Variants in UBE2W observed in about 807,000 individuals in gnomAD.
UBE2W encodes ubiquitin-conjugating enzyme E2 W.
Under a neutral mutation model 27.2 loss-of-function variants are expected in UBE2W, and 18 were observed. That is an observed-to-expected ratio of 0.66 (90% CI 0.46 to 0.98). The LOEUF is 0.98. UBE2W is among the 50% of genes least tolerant of loss of function. The probability of loss-of-function intolerance (pLI) is 0.00; values close to 1 mark genes in which losing one functional copy is unlikely to be tolerated. For missense variants in UBE2W, 90 were observed against 180.2 expected (o/e 0.50, Z 2.87); for synonymous variants, 53 against 57.2 (o/e 0.93, Z 0.33).
At position 73,793,934 on chromosome 8, in the gene UBE2W, G is replaced by C; in HGVS notation, c.*168C>G. On this transcript the variant is annotated 3_prime_UTR_variant, in exon 6 of 6. Transcript: ENST00000602593. ...TGTCAGTTGCCTGGACTGAACCAGC[G>C]ATCAACATGCGCCCAGAATGCACAC... 2.8e-6 allele frequency: 4 copies of C among 1,444,138 alleles called. No homozygotes were observed. Among genetic ancestry groups the C allele is most frequent in the Non-Finnish European group, 3.6e-6 (4 of 1,096,418 alleles). 89.5% of individuals were successfully genotyped at this position (1,444,138 alleles called of 1,614,324 possible).
rs1198881784 is a variant in UBE2W, at chr8:73,788,747, A to C, written c.*5355T>G. On this transcript the variant is annotated 3_prime_UTR_variant, in exon 6 of 6. Transcript: ENST00000602593. ...TAGAATTGTTGTAGGACCAATGAGA[A>C]AACAACTTAGAATCGTTGTAGGACC... is the stretch of plus-strand genomic sequence containing the variant. 1.7e-5 allele frequency: 17 copies of C among 985,304 alleles called. No homozygotes were observed. The highest frequency in any genetic ancestry group is 2.0e-5 in the Non-Finnish European group (17 of 829,938). 61.0% of individuals were successfully genotyped at this position (985,304 alleles called of 1,614,324 possible).
At position 73,792,268 on chromosome 8, in the gene UBE2W, G is replaced by A. The variant is rs1168631378; in HGVS notation, c.*1834C>T. On this transcript the variant is annotated 3_prime_UTR_variant, in exon 6 of 6. Coordinates refer to ENST00000602593, the MANE Select transcript of UBE2W (RefSeq NM_018299.6). Reference sequence around the variant, plus strand: ...ATCTAGTCAAGATAGAACAAAAACGGTTATAATTTTTTAAAAGTGGTAATT... The same window carrying A: ...ATCTAGTCAAGATAGAACAAAAACGATTATAATTTTTTAAAAGTGGTAATT... 2.0e-6 allele frequency: 2 copies of A among 985,268 alleles called. No individual in the cohort carries two copies. Among genetic ancestry groups the A allele is most frequent in the African/African-American group, 3.5e-5 (2 of 57,154 alleles). The allele number at this position is 985,268 out of a possible 1,614,324, so 61.0% of individuals were successfully genotyped here. A position where few individuals can be genotyped will look rare whatever the true frequency, so the allele number is the denominator to read the frequency against.
chr8:73,838,782 A>AT (rs1810411366), intron 1 of UBE2W, among the ~76,000 whole-genome samples: 1 of 152,190 alleles, frequency 6.6e-6, no homozygotes, highest in Non-Finnish European at 1.5e-5. Context: ...CTCTCCAAGA[A>AT]TCACTGTAAA....
Position 73,786,228 on chromosome 8 carries a change from A to G in UBE2W, c.*7874T>C, listed in dbSNP as rs190931917. ...AAAAAGCCAAAACCAATGAAGAATG[A>G]TTAATGATTTATTTAAAAGTAGTTT... On this transcript the variant is annotated 3_prime_UTR_variant, in exon 6 of 6. Coordinates refer to ENST00000602593, the MANE Select transcript of UBE2W (RefSeq NM_018299.6). 9.1e-6 allele frequency: 9 copies of G among 985,434 alleles called. No homozygotes were observed. In the East Asian group the frequency reaches 6.8e-4, roughly 74 times the overall value. 61.0% of individuals were successfully genotyped at this position (985,434 alleles called of 1,614,324 possible).
chr8:73,839,219 C>T (rs28571776), intron 1 of UBE2W, among the ~76,000 whole-genome samples: 10 of 151,854 alleles, frequency 6.6e-5, no homozygotes, highest in African/African-American at 2.4e-4. Flanking sequence ...TACATCAGTA[C>T]TGAAAAAGCA....
At chr8:73,783,919 C>A (rs1465102630), downstream of UBE2W, among the ~76,000 whole-genome samples, 1 of 152,048 alleles carries the variant, frequency 6.6e-6, no homozygotes, top group African/African-American at 2.4e-5. Flanking sequence ...ATGCCACCAG[C>A]CTGGCTAATT....
downstream of UBE2W, among the ~76,000 whole-genome samples, chr8:73,785,348 T>G (rs1807918192): frequency 6.6e-6 from 1 of 152,188 alleles, no homozygotes; most frequent in Non-Finnish European, 1.5e-5. Context: ...TTCTCCATGT[T>G]GGCCAGGCTT....
intron 3 of UBE2W, among the ~76,000 whole-genome samples, chr8:73,811,693 C>T (rs1457341626): frequency 5.9e-5 from 9 of 152,118 alleles, no homozygotes; most frequent in South Asian, 2.1e-4. Context: ...AGATATAAAC[C>T]AACAATTCCT....
intron 1 of UBE2W, among the ~76,000 whole-genome samples, chr8:73,850,789 T>G (rs1372839911): frequency 2.6e-5 from 4 of 151,372 alleles, no homozygotes; most frequent in African/African-American, 9.7e-5. Flanking sequence ...TGGCAACTTT[T>G]ATTCCTTAAG....
chr8:73,783,193 T>A (rs2130825793), downstream of UBE2W, among the ~76,000 whole-genome samples: 1 of 152,338 alleles, frequency 6.6e-6, no homozygotes, highest in East Asian at 1.9e-4. Flanking sequence ...AGATATTGTC[T>A]TGTTTTCATA....
chr8:73,812,343 T>G (rs1292038963), intron 3 of UBE2W, among the ~76,000 whole-genome samples: 1 of 152,162 alleles, frequency 6.6e-6, no homozygotes, highest in African/African-American at 2.4e-5. Context: ...ATGGCTACGC[T>G]CTATGCATGA....
In UBE2W at chr8:73,830,378, T is replaced by G; in HGVS notation, c.107+3A>C. 1 of 1,604,342 alleles carries G rather than the reference T, an allele frequency of 6.2e-7. No homozygotes were observed. The highest frequency in any genetic ancestry group is 8.5e-7 in the Non-Finnish European group (1 of 1,171,840). ...AAGAGCCCTTTTAAAATTAAATACT[T>G]ACTGTGTAATTGAATTTTGAACACT... is the stretch of plus-strand genomic sequence containing the variant. On this transcript the variant is annotated splice_donor_region_variant and intron_variant, in intron 2 of 5. Transcript: ENST00000602593.
Position 73,794,060 on chromosome 8 carries a change from T to C in UBE2W, c.*42A>G, listed in dbSNP as rs762698449. On this transcript the variant is annotated 3_prime_UTR_variant, in exon 6 of 6. Coordinates refer to ENST00000602593, the MANE Select transcript of UBE2W (RefSeq NM_018299.6). ...CTGAATGATCAAAGTGCTCATTTTC[T>C]CAGTAGGACTATCTTCTGCTAGGAG... The C allele has an allele frequency of 6.2e-7, 1 of 1,612,112 alleles. No individual in the cohort carries two copies. The highest frequency in any genetic ancestry group is 8.5e-7 in the Non-Finnish European group (1 of 1,179,204).
At chr8:73,795,524 A>G (rs1226659172) in intron 5 of UBE2W, among the ~76,000 whole-genome samples, 1 of 152,136 alleles carries the variant, frequency 6.6e-6, no homozygotes, top group Admixed American at 6.5e-5. Context: ...CTTCTCATAA[A>G]TTAGTCTCAG....
intron 4 of UBE2W, chr8:73,780,574 C>T (rs1807824409): frequency 2.9e-5 from 13 of 442,632 alleles, no homozygotes; most frequent in South Asian, 2.1e-4. Flanking sequence ...CACTCTATCT[C>T]CAGGCTGGAG....
rs1268206571 is a variant in UBE2W, at chr8:73,788,776, C to T, written c.*5326G>A. The T allele has an allele frequency of 3.0e-6, 3 of 985,174 alleles. No homozygotes were observed. The highest frequency in any genetic ancestry group is 3.5e-5 in the African/African-American group (2 of 57,194). The allele number at this position is 985,174 out of a possible 1,614,324, so 61.0% of individuals were successfully genotyped here. ...AACTTAGAATCGTTGTAGGACCATC[C>T]TTTTCTCAAAACCCAGAGAGTGTAT... On this transcript the variant is annotated 3_prime_UTR_variant, in exon 6 of 6. Coordinates refer to ENST00000602593, the MANE Select transcript of UBE2W (RefSeq NM_018299.6).
intron 1 of UBE2W, chr8:73,870,244 G>T (rs757485644): frequency 6.3e-7 from 1 of 1,580,592 alleles, no homozygotes; most frequent in Non-Finnish European, 8.6e-7. Flanking sequence ...TTTTGAAGAG[G>T]ATTGGCAAAA....
Position 73,787,260 on chromosome 8 carries a change from T to C in UBE2W, c.*6842A>G, listed in dbSNP as rs1389340758. On this transcript the variant is annotated 3_prime_UTR_variant, in exon 6 of 6. Coordinates refer to ENST00000602593, the MANE Select transcript of UBE2W (RefSeq NM_018299.6). The stretch of plus-strand genomic sequence containing the variant: ...TACACAAAACTCTTAGCTGTCTCAC[T>C]TGCTTCTTCAATTTAGCTTATGTTT... 1.0e-6 allele frequency: 1 copy of C among 985,358 alleles called. No individual in the cohort carries two copies. The highest frequency in any genetic ancestry group is 1.2e-6 in the Non-Finnish European group (1 of 829,948). 61.0% of individuals were successfully genotyped at this position (985,358 alleles called of 1,614,324 possible).
intron 1 of UBE2W, among the ~76,000 whole-genome samples, chr8:73,849,616 A>G (rs1810986941): frequency 6.6e-6 from 1 of 151,788 alleles, no homozygotes; most frequent in South Asian, 2.1e-4. Context: ...AATCCAAAAT[A>G]AGGAAAGACA....
Sources: gnomAD v4.1 joint callset for allele counts (sites outside exome capture counted in the v4.1 genomes callset) on GRCh38, gnomAD v4.1.1 for gene constraint, MANE v1.5 for transcripts, NCBI Gene and HGNC (gene_info 2026-07-23, HGNC 2026-07-21) for gene names.